The following PDE4D variants were observed in gnomAD, a reference collection of about 807,000 sequenced individuals.
PDE4D encodes the protein 3',5'-cyclic-AMP phosphodiesterase 4D.
Under a neutral mutation model 87.4 loss-of-function variants are expected in PDE4D, and 24 were observed. The ratio of observed to expected loss-of-function variants is 0.27; its 90% CI spans 0.20 to 0.39. PDE4D has a LOEUF of 0.39. Ranked by LOEUF, PDE4D falls within the 10% of genes least tolerant of loss-of-function variation. The pLI, the probability that PDE4D is intolerant of heterozygous loss-of-function variation, is 1.00. For missense variants in PDE4D, 714 were observed against 1,041.0 expected (o/e 0.69, Z 4.32); for synonymous variants, 384 against 383.2 (o/e 1.00, Z -0.02).
chr5:59,401,815 A>T (rs553979285), intron 1 of PDE4D, among the ~76,000 whole-genome samples: 2 of 152,328 alleles, frequency 1.3e-5, no homozygotes, highest in African/African-American at 4.8e-5. Context: ...AGGTCTGGAC[A>T]TTGTGAGTTT....
intron 2 of PDE4D, among the ~76,000 whole-genome samples, chr5:60,181,587 G>A (rs1254660106): frequency 2.0e-5 from 3 of 152,110 alleles, no homozygotes; most frequent in Non-Finnish European, 2.9e-5. Flanking sequence ...ACATCCATAA[G>A]AATCCTAAGT....
chr5:59,149,706 G>GTTTTTTTTTTTTT (rs76421367), intron 5 of PDE4D, among the ~76,000 whole-genome samples: 4 of 69,276 alleles, frequency 5.8e-5, no homozygotes, highest in Non-Finnish European at 1.0e-4. Context: ...CTCTCCTCGA[G>GTTTTTTTTTTTTT]TTTTTTTTTT....
chr5:59,200,907 T>C (rs932795816), intron 2 of PDE4D, among the ~76,000 whole-genome samples: 4 of 152,060 alleles, frequency 2.6e-5, no homozygotes, highest in Non-Finnish European at 5.9e-5. Flanking sequence ...TACTTCCTTA[T>C]AGAATTAGAG....
At chr5:60,488,931 C>T (rs1749363060), upstream of PDE4D, among the ~76,000 whole-genome samples, 1 of 152,142 alleles carries the variant, frequency 6.6e-6, no homozygotes, top group African/African-American at 2.4e-5. Flanking sequence ...ATACTGCTCC[C>T]CTACCCCAGG....
intron 1 of PDE4D, among the ~76,000 whole-genome samples, chr5:59,219,438 A>G (rs999111589): frequency 6.6e-6 from 1 of 152,130 alleles, no homozygotes; most frequent in African/African-American, 2.4e-5. Context: ...TATAATCAAA[A>G]TTAATTATCA....
chr5:59,829,934 T>TA (rs765414915), intron 1 of PDE4D, among the ~76,000 whole-genome samples: 239 of 152,038 alleles, frequency 1.6e-3, no homozygotes, highest in African/African-American at 3.9e-3. Context: ...GTTTTTAATT[T>TA]TAAAAAAAAT....
chr5:59,224,309 C>CAT (rs1280151725), intron 1 of PDE4D, among the ~76,000 whole-genome samples: 15 of 151,054 alleles, frequency 9.9e-5, no homozygotes, highest in Non-Finnish European at 2.2e-4. Context: ...CACACACACA[C>CAT]ACACACACAC....
intron 5 of PDE4D, among the ~76,000 whole-genome samples, chr5:59,075,740 A>G (rs1765581493): frequency 6.6e-6 from 1 of 152,290 alleles, no homozygotes; most frequent in South Asian, 2.1e-4. Flanking sequence ...TCTAAGATTT[A>G]CATTAGAAAG....
chr5:60,083,122 C>T (rs1774150563), intron 2 of PDE4D, among the ~76,000 whole-genome samples: 1 of 152,140 alleles, frequency 6.6e-6, no homozygotes, highest in South Asian at 2.1e-4. Context: ...ACTGTAAATG[C>T]CCTAAAAGAA....
chr5:60,004,169 C>A (rs960741754), intron 2 of PDE4D, among the ~76,000 whole-genome samples: 10 of 152,112 alleles, frequency 6.6e-5, no homozygotes, highest in African/African-American at 2.4e-4. Flanking sequence ...AATGGGACTA[C>A]ATCAGACTTA....
At chr5:60,281,750 G>A (rs540440727) in intron 1 of PDE4D, among the ~76,000 whole-genome samples, 1 of 152,048 alleles carries the variant, frequency 6.6e-6, no homozygotes, top group African/African-American at 2.4e-5. Context: ...AGAAAAGAAG[G>A]GGCCGAGCAT....
chr5:59,955,286 G>A (rs562258746), intron 3 of PDE4D, among the ~76,000 whole-genome samples: 3 of 152,116 alleles, frequency 2.0e-5, no homozygotes, highest in Non-Finnish European at 4.4e-5. Context: ...AGTTGATACT[G>A]GTAAATGTTT....
chr5:58,986,704 A>C (rs1373041144), intron 11 of PDE4D, among the ~76,000 whole-genome samples: 5 of 152,158 alleles, frequency 3.3e-5, no homozygotes, highest in African/African-American at 9.7e-5. Context: ...TTTATGGAAA[A>C]ATTGTCTTCC....
intron 2 of PDE4D, among the ~76,000 whole-genome samples, chr5:60,098,578 G>A (rs1461631810): frequency 6.6e-6 from 1 of 151,862 alleles, no homozygotes; most frequent in Non-Finnish European, 1.5e-5. Context: ...TTCTCAAATA[G>A]TTTGTTGTTA....
intron 1 of PDE4D, among the ~76,000 whole-genome samples, chr5:59,547,153 A>G (rs930411154): frequency 2.0e-5 from 3 of 152,222 alleles, no homozygotes; most frequent in Admixed American, 1.3e-4. Context: ...ATTCTGTGGA[A>G]TAGATAAAAT....
intron 1 of PDE4D, among the ~76,000 whole-genome samples, chr5:59,408,554 C>T (rs1329767389): frequency 6.6e-6 from 1 of 152,168 alleles, no homozygotes; most frequent in East Asian, 1.9e-4. Flanking sequence ...GGAAGGAAGC[C>T]ATTGTTCTGT....
intron 1 of PDE4D, among the ~76,000 whole-genome samples, chr5:60,504,531 AT>A (rs1750240725): frequency 6.6e-6 from 1 of 152,102 alleles, no homozygotes; most frequent in South Asian, 2.1e-4. Flanking sequence ...ACAAAAAAAG[AT>A]CAGGTAACAA....
At chr5:59,998,219 C>T (rs146248820) in intron 2 of PDE4D, among the ~76,000 whole-genome samples, 29 of 152,220 alleles carry the variant, frequency 1.9e-4, no homozygotes, top group African/African-American at 6.7e-4. Flanking sequence ...TTTTCAAAAA[C>T]CTCTAACAAA....
intron 2 of PDE4D, among the ~76,000 whole-genome samples, chr5:59,209,163 C>T (rs1006701357): frequency 6.6e-6 from 1 of 152,098 alleles, no homozygotes; most frequent in East Asian, 1.9e-4. Flanking sequence ...AATAGTCTCA[C>T]ATAGAGATCT....
Sources: allele counts gnomAD v4.1 joint callset (sites outside exome capture counted in the v4.1 genomes callset), GRCh38; gene constraint gnomAD v4.1.1; transcripts MANE v1.5; gene names NCBI Gene and HGNC (gene_info 2026-07-23, HGNC 2026-07-21).